Variants in VAV3 observed in about 807,000 individuals in gnomAD.
VAV3 encodes vav guanine nucleotide exchange factor 3.
A neutral mutation model predicts 131.2 loss-of-function variants in VAV3; 94 were observed. The observed-to-expected ratio is 0.72, with a 90% CI of 0.61 to 0.85. The LOEUF (loss-of-function observed/expected upper bound fraction) is 0.85, where lower values mean the gene tolerates loss of function less well. Among genes scored for constraint, VAV3 ranks in the 40% least tolerant of loss-of-function variants. The pLI is 0.00. For synonymous variants in VAV3, 349 were observed against 342.0 expected, an observed-to-expected ratio of 1.02 and a Z score of -0.22; for missense variants, 939 against 1,002.7, an observed-to-expected ratio of 0.94 and a Z score of 0.86.
intron 1 of VAV3, among the ~76,000 whole-genome samples, chr1:107,948,853 A>T (rs1674397853): frequency 6.6e-6 from 1 of 151,986 alleles, no homozygotes; most frequent in Non-Finnish European, 1.5e-5. Flanking sequence ...AAAAAAAAAT[A>T]AACAAACAAA....
intron 17 of VAV3, among the ~76,000 whole-genome samples, chr1:107,694,702 A>T (rs1211609894): frequency 1.3e-5 from 2 of 152,146 alleles, no homozygotes; most frequent in African/African-American, 4.8e-5. Flanking sequence ...TTCTAAGATT[A>T]TAGTGATCTT....
intron 19 of VAV3, among the ~76,000 whole-genome samples, chr1:107,656,955 T>C (rs1237989683): frequency 7.0e-6 from 1 of 143,534 alleles, no homozygotes; most frequent in Non-Finnish European, 1.5e-5. Flanking sequence ...TTTTTTTTTT[T>C]TTTTTTTTTT....
At chr1:107,889,066 C>A (rs974756205) in intron 1 of VAV3, among the ~76,000 whole-genome samples, 6 of 151,084 alleles carry the variant, frequency 4.0e-5, no homozygotes, top group Non-Finnish European at 8.8e-5. Flanking sequence ...TCCTTATGGC[C>A]CACAATTCTT....
At chr1:107,909,746 T>C (rs994382951) in intron 1 of VAV3, among the ~76,000 whole-genome samples, 6 of 151,414 alleles carry the variant, frequency 4.0e-5, no homozygotes, top group African/African-American at 1.5e-4. Context: ...TTAAATATCA[T>C]AATGTAATGC....
At chr1:107,763,589 T>C (rs560741724) in intron 9 of VAV3, among the ~76,000 whole-genome samples, 9 of 152,350 alleles carry the variant, frequency 5.9e-5, no homozygotes, top group African/African-American at 2.2e-4. Flanking sequence ...GGAGGCTCTA[T>C]TCTGCAAAGA....
intron 1 of VAV3, among the ~76,000 whole-genome samples, chr1:107,942,687 T>C (rs1454322407): frequency 6.6e-6 from 1 of 152,206 alleles, no homozygotes; most frequent in East Asian, 1.9e-4. Context: ...AAACCAATTC[T>C]ACTTTCTCCT....
intron 2 of VAV3, among the ~76,000 whole-genome samples, chr1:107,857,685 C>A (rs1232549589): frequency 6.6e-6 from 1 of 151,906 alleles, no homozygotes; most frequent in East Asian, 1.9e-4. Context: ...AAGCTTTTGT[C>A]ATAAAATATT....
At chr1:107,819,365 CA>C (rs1452052747) in intron 2 of VAV3, among the ~76,000 whole-genome samples, 1 of 151,804 alleles carries the variant, frequency 6.6e-6, no homozygotes, top group African/African-American at 2.4e-5. Context: ...ATTCTTATTT[CA>C]AAAACAAGAG....
At chr1:107,574,963 C>CTCTCTGTGTGTGTGTG (rs1304869776) in intron 25 of VAV3, among the ~76,000 whole-genome samples, 3 of 81,114 alleles carry the variant, frequency 3.7e-5, no homozygotes, top group African/African-American at 4.5e-5. Context: ...TTGAGTTTCT[C>CTCTCTGTGTGTGTGTG]TGTGTGTGTG....
intron 2 of VAV3, among the ~76,000 whole-genome samples, chr1:107,826,371 T>C (rs1288481486): frequency 1.3e-5 from 2 of 152,338 alleles, no homozygotes; most frequent in African/African-American, 4.8e-5. Flanking sequence ...AATATTTGTT[T>C]CTCTTTACCT....
chr1:107,583,918 T>C (rs1392251792), intron 25 of VAV3, among the ~76,000 whole-genome samples: 1 of 152,094 alleles, frequency 6.6e-6, no homozygotes, highest in Admixed American at 6.5e-5. Context: ...TTAAAGTTCA[T>C]ATGGAACCAA....
chr1:107,732,338 C>A (rs1383379635), intron 15 of VAV3, among the ~76,000 whole-genome samples: 1 of 152,168 alleles, frequency 6.6e-6, no homozygotes, highest in African/African-American at 2.4e-5. Flanking sequence ...ACTGAGGTAC[C>A]TGGTTCATCT....
chr1:107,710,714 A>C lies in VAV3; in HGVS notation c.1503-5653T>G, dbSNP rs184110694. Among the ~76,000 whole-genome samples the C allele has an allele frequency of 1.8e-4, 28 of 152,282 alleles. No individual in the cohort carries two copies. In the East Asian group the frequency reaches 4.8e-3, roughly 26 times the overall value. Reference sequence around the variant, plus strand: ...TTATTTTCCATAGCAAGGTTTTAAAATCATTTAAAATAATATGGATAGTTT... The same window carrying C: ...TTATTTTCCATAGCAAGGTTTTAAACTCATTTAAAATAATATGGATAGTTT... On this transcript the variant is annotated intron_variant, in intron 15 of 26. Transcript: ENST00000370056.
At chr1:107,887,616 G>A (rs577522553) in intron 1 of VAV3, among the ~76,000 whole-genome samples, 6 of 152,196 alleles carry the variant, frequency 3.9e-5, no homozygotes, top group Non-Finnish European at 8.8e-5. Flanking sequence ...TATTCAGAAA[G>A]TTTTTAAAAA....
intron 20 of VAV3, among the ~76,000 whole-genome samples, chr1:107,631,260 T>C (rs1226920734): frequency 3.9e-5 from 6 of 152,008 alleles, no homozygotes; most frequent in African/African-American, 1.4e-4. Flanking sequence ...AGTATTACAA[T>C]TTTATCACTA....
Position 107,583,821 on chromosome 1 carries a change from C to A in VAV3, c.2351-9623G>T, listed in dbSNP as rs187515152. Among the ~76,000 whole-genome samples, 46 of 152,236 alleles carry A rather than the reference C, an allele frequency of 3.0e-4. 1 individual carries two copies. The East Asian group carries it at 8.5e-3, about 28-fold the overall frequency. ...GGAAGAATCAATATCGCGAAAATGG[C>A]CATACTGCCCAAGGTAATTTATAGA... On this transcript the variant is annotated intron_variant, in intron 25 of 26. Transcript: ENST00000370056.
intron 17 of VAV3, among the ~76,000 whole-genome samples, chr1:107,691,876 A>T (rs914366239): frequency 6.6e-6 from 1 of 152,172 alleles, no homozygotes; most frequent in Non-Finnish European, 1.5e-5. Flanking sequence ...GGTGCAAGAG[A>T]AACAATTTTC....
At chr1:107,857,880 G>T (rs1185666152) in intron 2 of VAV3, among the ~76,000 whole-genome samples, 7 of 151,970 alleles carry the variant, frequency 4.6e-5, no homozygotes, top group Middle Eastern at 3.2e-3. Flanking sequence ...GTGGAAGAAA[G>T]GTATATGGAC....
At chr1:107,669,538 T>C (rs1657634068) in intron 19 of VAV3, 1 of 1,203,064 alleles carries the variant, frequency 8.3e-7, no homozygotes, top group Non-Finnish European at 1.1e-6. Context: ...CATGGATCCA[T>C]TCCTATCTTT....
Sources: allele counts gnomAD v4.1 joint callset (sites outside exome capture counted in the v4.1 genomes callset), GRCh38; gene constraint gnomAD v4.1.1; transcripts MANE v1.5; gene names NCBI Gene and HGNC (gene_info 2026-07-23, HGNC 2026-07-21).